The following ZNF395 variants were observed in gnomAD, a reference collection of about 807,000 sequenced individuals.
ZNF395 encodes the protein HD gene regulatory region-binding protein 2.
ZNF395 carries 20 observed loss-of-function variants against 57.7 expected under a neutral mutation model. The ratio of observed to expected loss-of-function variants is 0.35; its 90% CI spans 0.24 to 0.50. ZNF395 has a LOEUF of 0.50. ZNF395 is among the 20% of genes least tolerant of loss of function. The pLI, the probability that ZNF395 is intolerant of heterozygous loss-of-function variation, is 0.97. For missense variants in ZNF395, 606 were observed against 671.2 expected (o/e 0.90, Z 1.07); for synonymous variants, 295 against 275.9 (o/e 1.07, Z -0.69).
chr8:28,369,764 G>A (rs3735731), intron 1 of ZNF395, among the ~76,000 whole-genome samples: 90,208 of 152,148 alleles, frequency 0.59, 30,154 homozygotes, highest in African/African-American at 0.9. Context: ...GGGACTCACC[G>A]GAACCCCCGG....
chr8:28,353,470 T>C, intron 4 of ZNF395, 62 bp from the exon 5 acceptor site: 1 of 1,313,692 alleles, frequency 7.6e-7, no homozygotes, highest in Non-Finnish European at 1.0e-6. Context: ...AAACTCTCCC[T>C]TCTGAGCTTC....
chr8:28,353,088 G>T, intron 5 of ZNF395, 85 bp downstream of exon 5: 1 of 1,324,942 alleles, frequency 7.5e-7, no homozygotes, highest in Non-Finnish European at 1.1e-6. Context: ...GGGCCTGCAG[G>T]GTCCCCTGCT....
At chr8:28,367,723 G>C (rs1228726809) in intron 1 of ZNF395, among the ~76,000 whole-genome samples, 1 of 152,152 alleles carries the variant, frequency 6.6e-6, no homozygotes, top group East Asian at 1.9e-4. Flanking sequence ...CATAGTGAGG[G>C]CTCAGGAATC....
chr8:28,381,758 G>A (rs1319612083), intron 1 of ZNF395, among the ~76,000 whole-genome samples: 1 of 152,078 alleles, frequency 6.6e-6, no homozygotes, highest in Admixed American at 6.5e-5. Flanking sequence ...GTATGACCTC[G>A]ACATCACTCT....
chr8:28,347,141 G>A lies in ZNF395; in HGVS notation c.*1578C>T, dbSNP rs1201705775. The A allele has an allele frequency of 6.6e-6, 1 of 152,058 alleles. No individual in the cohort carries two copies. The highest frequency in any genetic ancestry group is 1.9e-4 in the East Asian group (1 of 5,172). The allele number at this position is 152,058 out of a possible 1,614,324, so 9.4% of individuals were successfully genotyped here. A position where few individuals can be genotyped will look rare whatever the true frequency, so the allele number is the denominator to read the frequency against. On this transcript the variant is annotated 3_prime_UTR_variant, in exon 10 of 10. Coordinates refer to ENST00000344423, the MANE Select transcript of ZNF395 (RefSeq NM_018660.3). ...CACGTGTCTATTTCCTACGTGAAGG[G>A]GCCAAGGGAGCCCTGGTGGCCCAAA...
chr8:28,372,127 T>C (rs895071546), intron 1 of ZNF395, among the ~76,000 whole-genome samples: 2 of 152,128 alleles, frequency 1.3e-5, no homozygotes, highest in Non-Finnish European at 2.9e-5. Flanking sequence ...TGCCTCAGTT[T>C]CCTCACGTGC....
chr8:28,374,847 T>C (rs994353848), intron 1 of ZNF395, among the ~76,000 whole-genome samples: 12 of 152,148 alleles, frequency 7.9e-5, no homozygotes, highest in African/African-American at 2.7e-4. Flanking sequence ...CCTTGCCCAA[T>C]CACACTTCCT....
At chr8:28,372,281 G>C (rs896442734) in intron 1 of ZNF395, among the ~76,000 whole-genome samples, 2 of 152,154 alleles carry the variant, frequency 1.3e-5, no homozygotes, top group African/African-American at 2.4e-5. Context: ...CCAGGTCTGA[G>C]AGAGGAAACA....
At chr8:28,369,084 C>T (rs1218093027) in intron 1 of ZNF395, among the ~76,000 whole-genome samples, 1 of 152,030 alleles carries the variant, frequency 6.6e-6, no homozygotes, top group Non-Finnish European at 1.5e-5. Context: ...GATCTGCCCA[C>T]CTCGGCCTCC....
At chr8:28,355,967 A>T (rs897458234) in intron 4 of ZNF395, among the ~76,000 whole-genome samples, 1 of 145,870 alleles carries the variant, frequency 6.9e-6, no homozygotes, top group Non-Finnish European at 1.5e-5. Context: ...GGTGTCCACC[A>T]ATGAAGAAGT....
rs1185278762 is a variant in ZNF395, at chr8:28,346,962, G to A, written c.*1757C>T. 1 of 147,974 alleles carries A rather than the reference G, an allele frequency of 6.8e-6. No individual in the cohort carries two copies. Among genetic ancestry groups the A allele is most frequent in the Admixed American group, 6.7e-5 (1 of 14,962 alleles). The allele number at this position is 147,974 out of a possible 1,614,324, so 9.2% of individuals were successfully genotyped here. A position where few individuals can be genotyped will look rare whatever the true frequency, so the allele number is the denominator to read the frequency against. On this transcript the variant is annotated 3_prime_UTR_variant, in exon 10 of 10. Coordinates refer to ENST00000344423, the MANE Select transcript of ZNF395 (RefSeq NM_018660.3). ...ACATACATTTTTTTTTTTTTACTAA[G>A]TTATAAAAAAAAAAACCCCATCACC...
At chr8:28,364,698 G>C (rs372871794) in intron 1 of ZNF395, among the ~76,000 whole-genome samples, 6 of 150,656 alleles carry the variant, frequency 4.0e-5, no homozygotes, top group African/African-American at 1.5e-4. Context: ...CCAGGAGGCA[G>C]AGGTTGCAGT....
rs1179355651 is a variant in ZNF395, at chr8:28,359,871, C to T, written c.241-47G>A. 10 of 1,578,596 alleles carry T rather than the reference C, an allele frequency of 6.3e-6. No individual in the cohort carries two copies. Among genetic ancestry groups the T allele is most frequent in the African/African-American group, 2.7e-5 (2 of 74,354 alleles). Reference sequence around the variant, plus strand: ...TTAGTGGTCAGCCCTGGATGGGTCTCGCCCTGAAGTTCTCATGCACCCCAC... The same window carrying T: ...TTAGTGGTCAGCCCTGGATGGGTCTTGCCCTGAAGTTCTCATGCACCCCAC... On this transcript the variant is annotated intron_variant, in intron 2 of 9. Transcript: ENST00000344423. This position sits in a 1 kb window ranked among gnomAD's most constrained non-coding sequence, Gnocchi z 4.7.
At chr8:28,355,739 C>A (rs544870352) in intron 4 of ZNF395, among the ~76,000 whole-genome samples, 1 of 152,342 alleles carries the variant, frequency 6.6e-6, no homozygotes, top group African/African-American at 2.4e-5. Flanking sequence ...AGCTTCACAG[C>A]TAGGTGTCCT....
In ZNF395 at chr8:28,352,174, C is replaced by T. The variant is rs777023078; in HGVS notation, c.921-367G>A. ...TCCTACCACTAGCAGCCTGCAAACT[C>T]GCTCTGCACAGAACACGGCGGAGGC... On this transcript the variant is annotated intron_variant, in intron 6 of 9. Coordinates refer to ENST00000344423, the MANE Select transcript of ZNF395 (RefSeq NM_018660.3). The surrounding 1 kb of genome is among the most constrained non-coding windows in gnomAD (Gnocchi z 4.0). 2.0e-5 allele frequency among the ~76,000 whole-genome samples: 3 copies of T among 152,334 alleles called. No homozygotes were observed. Among genetic ancestry groups the T allele is most frequent in the South Asian group, 2.1e-4 (1 of 4,826 alleles).
intron 1 of ZNF395, among the ~76,000 whole-genome samples, chr8:28,367,034 TC>T (rs1283488192): frequency 3.0e-4 from 46 of 151,752 alleles, no homozygotes. Flanking sequence ...AGTACAAGCT[TC>T]AGACACATGG....
rs1347078228 is a variant in ZNF395 at position 28,360,884 on chromosome 8, C to T, written c.240+1G>A. On this transcript the variant is annotated splice_donor_variant, in intron 2 of 9. Transcript: ENST00000344423. LOFTEE classifies it high-confidence loss of function. ...ACCTGTCCATGTTGGGATCAACCTA[C>T]CTTCTGCCCAGGCTGAAAGGCCACC... 1 of 1,613,466 alleles carries T rather than the reference C, an allele frequency of 6.2e-7. No homozygotes were observed. The highest frequency in any genetic ancestry group is 8.5e-7 in the Non-Finnish European group (1 of 1,179,886).
At chr8:28,350,923 T>C (rs1801674099) in intron 7 of ZNF395, among the ~76,000 whole-genome samples, 1 of 152,198 alleles carries the variant, frequency 6.6e-6, no homozygotes, top group Non-Finnish European at 1.5e-5. Context: ...GCAAAATAGG[T>C]TGGTCCCTCT....
At chr8:28,361,642 T>A (rs1801851026) in intron 1 of ZNF395, among the ~76,000 whole-genome samples, 1 of 152,146 alleles carries the variant, frequency 6.6e-6, no homozygotes, top group African/African-American at 2.4e-5. Flanking sequence ...GCAGTGAGCA[T>A]CCTCTGAGCT....
Sources: allele counts gnomAD v4.1 joint callset (sites outside exome capture counted in the v4.1 genomes callset), GRCh38; gene constraint gnomAD v4.1.1; non-coding constraint Gnocchi (gnomAD v3.1); transcripts MANE v1.5; gene names NCBI Gene and HGNC (gene_info 2026-07-23, HGNC 2026-07-21).